The following SYVN1 variants were observed in gnomAD, a reference collection of about 807,000 sequenced individuals.
SYVN1 encodes the protein E3 ubiquitin-protein ligase synoviolin.
A neutral mutation model predicts 62.6 loss-of-function variants in SYVN1; 17 were observed. The ratio of observed to expected loss-of-function variants is 0.27; its 90% CI spans 0.19 to 0.41. SYVN1 has a LOEUF of 0.41. Among genes scored for constraint, SYVN1 ranks in the 10% least tolerant of loss-of-function variants. SYVN1 has a pLI of 1.00. For missense variants in SYVN1, 634 were observed against 818.0 expected (o/e 0.78, Z 2.74); for synonymous variants, 316 against 304.0 (o/e 1.04, Z -0.41).
At chr11:65,132,808 CAGG>C (rs1310440023) in intron 4 of SYVN1, 28 bp from the exon 5 acceptor site, 1 of 1,613,754 alleles carries the variant, frequency 6.2e-7, no homozygotes, top group East Asian at 2.2e-5. Context: ...AGAGGCCTGT[CAGG>C]AGGCCTGGGG....
chr11:65,132,651 T>G, intron 5 of SYVN1, 81 bp downstream of exon 5: 3 of 1,438,196 alleles, frequency 2.1e-6, no homozygotes, highest in Non-Finnish European at 2.9e-6. Flanking sequence ...TGTACAGCTG[T>G]GGGGGGTAGC....
At position 65,129,923 on chromosome 11, in the gene SYVN1, G is replaced by C. The variant is rs751042478; in HGVS notation, c.1409-8C>G. The C allele has an allele frequency of 1.2e-6, 2 of 1,612,504 alleles. No homozygotes were observed. The highest frequency in any genetic ancestry group is 1.7e-6 in the Non-Finnish European group (2 of 1,179,024). ...CAGGCATTGGGGGGAAGGCTGGAGA[G>C]AGAGAGGCTCAGTCTGGGCTGCTGG... On this transcript the variant is annotated splice_region_variant and splice_polypyrimidine_tract_variant and intron_variant, in intron 13 of 15. Transcript: ENST00000377190.
rs759571784 is a variant in SYVN1 at position 65,130,725 on chromosome 11, T to C, written c.1040A>G (p.Glu347Gly). 2.0e-6 allele frequency: 3 copies of C among 1,521,982 alleles called. No individual in the cohort carries two copies. The African/African-American group carries it at 4.2e-5, about 21-fold the overall frequency. The allele number at this position is 1,521,982 out of a possible 1,614,324, so 94.3% of individuals were successfully genotyped here. The change falls in exon 11 of 16, where the codon GAG becomes GGG. Residue 347 changes from glutamate (E) to glycine (G), a missense_variant. By Grantham distance (98) the Glu-to-Gly change is moderately conservative. This residue lies in a region of SYVN1 where 351 missense variants were observed against 373.3 expected (regional missense o/e 0.94). Transcript: ENST00000377190. ...AGGGGGTGGCCCCTGATCCGCAGGC[T>C]CCGGGGGTGGTGGTGACTGCGCTGG... ...SLPAQSPPPP[E>G]PADQGPPPAP...
In SYVN1 at chr11:65,132,652, G is replaced by C. The variant is rs1948196122; in HGVS notation, c.427+80C>G. 1.8e-5 allele frequency: 26 copies of C among 1,438,612 alleles called. No individual in the cohort carries two copies. The South Asian group carries it at 2.5e-4, about 14-fold the overall frequency. The allele number at this position is 1,438,612 out of a possible 1,614,324, so 89.1% of individuals were successfully genotyped here. Reference sequence around the variant, plus strand: ...TAAATTATCTTTCCTGTACAGCTGTGGGGGGTAGCCTGTGCTCTGGAGTAC... The same window carrying C: ...TAAATTATCTTTCCTGTACAGCTGTCGGGGGTAGCCTGTGCTCTGGAGTAC... On this transcript the variant is annotated intron_variant, in intron 5 of 15. Coordinates refer to ENST00000377190, the MANE Select transcript of SYVN1 (RefSeq NM_172230.3).
At chr11:65,132,427 C>G in intron 5 of SYVN1, 76 bp from the exon 6 acceptor site, 3 of 1,052,568 alleles carry the variant, frequency 2.9e-6, no homozygotes, top group Non-Finnish European at 4.4e-6. Context: ...CTAGGACAGC[C>G]CCACCCTCAA....
chr11:65,132,218 T>C (rs1012258468), intron 6 of SYVN1, 30 bp downstream of exon 6: 2 of 1,564,474 alleles, frequency 1.3e-6, no homozygotes, highest in Non-Finnish European at 8.8e-7. Flanking sequence ...ACCTCGGGCT[T>C]GTCCTCTCAA....
Position 65,133,619 on chromosome 11 carries a change from C to A in SYVN1, c.-17-1G>T, listed in dbSNP as rs998726750. The A allele has an allele frequency of 1.2e-6, 2 of 1,604,776 alleles. No individual in the cohort carries two copies. The highest frequency in any genetic ancestry group is 2.7e-5 in the African/African-American group (2 of 74,924). The stretch of plus-strand genomic sequence containing the variant: ...CGGAACATTGCCCTGGCCCGGAGAC[C>A]TGCATGGGGCAAGAAAATAACTTAT... On this transcript the variant is annotated splice_acceptor_variant, in intron 1 of 15. Transcript: ENST00000377190. LOFTEE classifies it low-confidence loss of function (5UTR_SPLICE).
intron 9 of SYVN1, 21 bp from the exon 10 acceptor site, chr11:65,131,057 T>C (rs375297237): frequency 5.1e-5 from 83 of 1,613,646 alleles, no homozygotes; most frequent in Non-Finnish European, 6.6e-5. Flanking sequence ...TGACAGGGGC[T>C]GTATCAGGTC....
intron 1 of SYVN1, among the ~76,000 whole-genome samples, chr11:65,134,025 C>T (rs1236907758): frequency 2.0e-5 from 3 of 152,238 alleles, no homozygotes; most frequent in Non-Finnish European, 1.5e-5. Context: ...CTGAGAGCAG[C>T]CAAGGCACAG....
chr11:65,128,422 C>CGGCGGAGCT lies in SYVN1; in HGVS notation c.1805_1813dup (p.Arg604_Arg605insGlnLeuArg), dbSNP rs1565341976. The CGGCGGAGCT allele has an allele frequency of 6.2e-7, 1 of 1,613,958 alleles. No individual in the cohort carries two copies. Among genetic ancestry groups the CGGCGGAGCT allele is most frequent in the Non-Finnish European group, 8.5e-7 (1 of 1,180,016 alleles). On this transcript the variant is annotated inframe_insertion, in exon 16 of 16. Coordinates refer to ENST00000377190, the MANE Select transcript of SYVN1 (RefSeq NM_172230.3). ...AGACTCCAGCTTCTGCAGGCGGCGC[C>CGGCGGAGCT]GGCGGAGCTCTGCTGCATCGGGCTC... is the stretch of plus-strand genomic sequence containing the variant.
At chr11:65,133,730 C>T in intron 1 of SYVN1, 112 bp from the exon 2 acceptor site, 1 of 854,474 alleles carries the variant, frequency 1.2e-6, no homozygotes, top group South Asian at 1.7e-5. Context: ...ACATTTCGCC[C>T]TCGAAATCAT....
chr11:65,130,081 G>A lies in SYVN1; in HGVS notation c.1329C>T (p.Gly443=). The A allele has an allele frequency of 1.9e-6, 3 of 1,609,890 alleles. No individual in the cohort carries two copies. Among genetic ancestry groups the A allele is most frequent in the Non-Finnish European group, 2.5e-6 (3 of 1,177,800 alleles). ...GGGCAGGGCCAGCCTCTGGGGCAGAGCCAGAGCCTGGGCCAGATGCTGTGG... is the reference window on the plus strand; with the variant it reads ...GGGCAGGGCCAGCCTCTGGGGCAGAACCAGAGCCTGGGCCAGATGCTGTGG... ...ASATASGPGS[G]SAPEAGPAPG... is the part of the protein sequence containing the mutation. The change falls in exon 13 of 16, where the codon GGC becomes GGT. Residue 443 remains glycine, a synonymous_variant. Transcript: ENST00000377190.
Position 65,130,299 on chromosome 11 carries a change from G to A in SYVN1, c.1186C>T (p.Pro396Ser). The stretch of plus-strand genomic sequence containing the variant: ...ACAGCCTCTCCTGAGCTGGGGGGAG[G>A]CGGGACAGGTGGAAAGGGGCCCATG... ...PPMGPFPPVP[P>S]PPSSGEAVAP... The change falls in exon 12 of 16, where the codon CCT becomes TCT. Residue 396 changes from proline to serine, a missense_variant. This residue lies in a region of SYVN1 where 351 missense variants were observed against 373.3 expected (regional missense o/e 0.94). Transcript: ENST00000377190. The A allele has an allele frequency of 1.9e-6, 3 of 1,594,572 alleles. No individual in the cohort carries two copies. Among genetic ancestry groups the A allele is most frequent in the Middle Eastern group, 1.7e-4 (1 of 5,978 alleles).
At position 65,127,786 on chromosome 11, in the gene SYVN1, AC is replaced by A; in HGVS notation, c.*595del. 6.5e-6 allele frequency: 1 copy of A among 153,810 alleles called. No homozygotes were observed. The highest frequency in any genetic ancestry group is 1.4e-5 in the Non-Finnish European group (1 of 68,970). 9.5% of individuals were successfully genotyped at this position (153,810 alleles called of 1,614,324 possible). ...GGGTCCCTCAGTGCTGCCCGCCTGC[AC>A]CCCCACTCCCAGGCATTCCTTTCCC... On this transcript the variant is annotated 3_prime_UTR_variant, in exon 16 of 16. Coordinates refer to ENST00000377190, the MANE Select transcript of SYVN1 (RefSeq NM_172230.3).
intron 4 of SYVN1, 45 bp downstream of exon 4, chr11:65,132,877 A>G: frequency 6.2e-7 from 1 of 1,612,758 alleles, no homozygotes; most frequent in Non-Finnish European, 8.5e-7. Flanking sequence ...CCCGCTGGCT[A>G]CTCCCTGGCT....
In SYVN1 at chr11:65,130,745, C is replaced by T. The variant is rs753846101; in HGVS notation, c.1020G>A (p.Ala340=). 2.2e-5 allele frequency: 34 copies of T among 1,533,704 alleles called. No individual in the cohort carries two copies. The highest frequency in any genetic ancestry group is 1.9e-4 in the Admixed American group (9 of 48,342). ...RMDVLRASLP[A]QSPPPPEPAD... is the part of the protein sequence containing the mutation. ...CAGGCTCCGGGGGTGGTGGTGACTG[C>T]GCTGGCAGCGATGCACGAAGGACAT... is the stretch of plus-strand genomic sequence containing the variant. The change falls in exon 11 of 16, where the codon GCG becomes GCA. Residue 340 remains alanine (A), a synonymous_variant. Transcript: ENST00000377190.
intron 2 of SYVN1, 31 bp downstream of exon 2, chr11:65,133,439 G>A (rs376080246): frequency 2.5e-6 from 4 of 1,609,794 alleles, no homozygotes; most frequent in Non-Finnish European, 3.4e-6. Flanking sequence ...CCCTCCCAGG[G>A]AGTTCCTCCC....
In SYVN1 at chr11:65,133,532, A is replaced by G; in HGVS notation, c.70T>C (p.Tyr24His). Residue 24 changes from tyrosine (Y) to histidine (H), a missense_variant, in exon 2 of 16, where the codon TAC becomes CAC. Physicochemically the swap from Tyr to His is moderately conservative, Grantham distance 83 (BLOSUM62 2). Coordinates refer to ENST00000377190, the MANE Select transcript of SYVN1 (RefSeq NM_172230.3). ...GTGGGGTAGAACTGGTGTTTGAGGT[A>G]GTAGGCGTGAGCCACCACAGCCCCG... ...LTGAVVAHAY[Y>H]LKHQFYPTVV... The G allele has an allele frequency of 6.2e-7, 1 of 1,613,614 alleles. No individual in the cohort carries two copies.
rs1234735378 is a variant in SYVN1 at position 65,133,192 on chromosome 11, ACACCTTGCCCAT to A, written c.181_192del (p.Met61_Val64del). 1 of 1,614,008 alleles carries A rather than the reference ACACCTTGCCCAT, an allele frequency of 6.2e-7. No homozygotes were observed. The highest frequency in any genetic ancestry group is 8.5e-7 in the Non-Finnish European group (1 of 1,180,032). On this transcript the variant is annotated inframe_deletion, in exon 3 of 16. Coordinates refer to ENST00000377190, the MANE Select transcript of SYVN1 (RefSeq NM_172230.3). ...TCTGCTGCCCTCAGTTGCCCAAAGA[ACACCTTGCCCAT>A]CACCTTGCCCAGAAGGAAGACAAGG...
Sources: allele counts gnomAD v4.1 joint callset (sites outside exome capture counted in the v4.1 genomes callset), GRCh38; gene constraint gnomAD v4.1.1; regional missense constraint gnomAD v4.1.1; transcripts MANE v1.5; gene names NCBI Gene and HGNC (gene_info 2026-07-23, HGNC 2026-07-21).